Variants in NAALADL2 observed in about 807,000 individuals in gnomAD.
The protein encoded by NAALADL2 is N-acetylated alpha-linked acidic dipeptidase like 2.
Under a neutral mutation model 87.2 loss-of-function variants are expected in NAALADL2, and 76 were observed. The observed-to-expected ratio is 0.87, with a 90% CI of 0.72 to 1.05. The LOEUF (loss-of-function observed/expected upper bound fraction) is 1.05, where lower values mean the gene tolerates loss of function less well. Ranked by LOEUF, NAALADL2 falls within the 50% of genes least tolerant of loss-of-function variation. The pLI is 0.00. For missense variants in NAALADL2, 1,089 were observed against 945.8 expected (o/e 1.15, Z -1.99); for synonymous variants, 354 against 331.0 (o/e 1.07, Z -0.75).
chr3:174,712,137 G>A (rs1039399470), intron 2 of NAALADL2, among the ~76,000 whole-genome samples: 1 of 151,980 alleles, frequency 6.6e-6, no homozygotes, highest in Non-Finnish European at 1.5e-5. Flanking sequence ...TCTCACCCTT[G>A]TCCCCAAACA....
At chr3:175,236,344 G>A (rs1419454474) in intron 3 of NAALADL2, among the ~76,000 whole-genome samples, 1 of 151,836 alleles carries the variant, frequency 6.6e-6, no homozygotes, top group East Asian at 1.9e-4. Flanking sequence ...TTAGGAGTTC[G>A]AGACTAGCCT....
At chr3:174,478,153 T>C (rs1044223877) in intron 1 of NAALADL2, among the ~76,000 whole-genome samples, 5 of 151,672 alleles carry the variant, frequency 3.3e-5, no homozygotes, top group Non-Finnish European at 7.4e-5. Context: ...AAATACTGAC[T>C]GGTTGTGTTT....
chr3:175,346,429 G>C (rs73881474), intron 5 of NAALADL2, among the ~76,000 whole-genome samples: 2 of 151,948 alleles, frequency 1.3e-5, no homozygotes, highest in Non-Finnish European at 1.5e-5. Flanking sequence ...CTCAATGAGC[G>C]CACCAAAAAA....
At chr3:175,476,704 A>G (rs1725748089) in intron 9 of NAALADL2, among the ~76,000 whole-genome samples, 1 of 152,138 alleles carries the variant, frequency 6.6e-6, no homozygotes, top group African/African-American at 2.4e-5. Context: ...AAAATGCCAC[A>G]GCTTTGTCTG....
rs78862058 is a variant in NAALADL2 at position 174,695,030 on chromosome 3, G to C, written c.-114-42611G>C. On this transcript the variant is annotated intron_variant, in intron 2 of 3. Transcript: ENST00000434257. ...TGCTTGAATATAGTTATAATTTTAAGTACATAAGAATGTGATACAAAATAT... is the reference window on the plus strand; with the variant it reads ...TGCTTGAATATAGTTATAATTTTAACTACATAAGAATGTGATACAAAATAT... Among the ~76,000 whole-genome samples, 270 of 152,054 alleles carry C rather than the reference G, an allele frequency of 1.8e-3. 9 individuals are homozygous for C. The East Asian group carries it at 0.046, about 26-fold the overall frequency.
rs550921390 is a variant in NAALADL2, at chr3:174,648,465, A to G, written c.-114-89176A>G. On this transcript the variant is annotated intron_variant, in intron 2 of 3. Transcript: ENST00000434257. The stretch of plus-strand genomic sequence containing the variant: ...AGTTCTTAGAACATATCCTCTGCAG[A>G]TATGGGAGGGGGCTACTGTAAACAA... Among the ~76,000 whole-genome samples the G allele has an allele frequency of 2.4e-3, 371 of 152,288 alleles. 1 individual carries two copies. The highest frequency in any genetic ancestry group is 8.5e-3 in the African/African-American group (354 of 41,562).
chr3:175,228,765 A>G (rs528597450), intron 2 of NAALADL2, among the ~76,000 whole-genome samples: 1 of 152,106 alleles, frequency 6.6e-6, no homozygotes, highest in South Asian at 2.1e-4. Context: ...TCTAGAGAGT[A>G]GATCGAGAAG....
chr3:174,563,512 C>T (rs1483748721), intron 2 of NAALADL2, among the ~76,000 whole-genome samples: 1 of 150,858 alleles, frequency 6.6e-6, no homozygotes, highest in African/African-American at 2.4e-5. Flanking sequence ...TTCAGAGGCA[C>T]CTAGATAAAA....
intron 3 of NAALADL2, among the ~76,000 whole-genome samples, chr3:174,738,693 A>G (rs778189432): frequency 6.6e-6 from 1 of 152,028 alleles, no homozygotes; most frequent in African/African-American, 2.4e-5. Context: ...GGTTATTTCC[A>G]CTCGACACAT....
At chr3:175,404,892 C>A (rs1396404699) in intron 5 of NAALADL2, among the ~76,000 whole-genome samples, 2 of 152,164 alleles carry the variant, frequency 1.3e-5, no homozygotes, top group Non-Finnish European at 2.9e-5. Context: ...CAATTAATCA[C>A]TTGCAGTTGT....
intron 11 of NAALADL2, among the ~76,000 whole-genome samples, chr3:175,640,846 G>A (rs929082334): frequency 2.6e-5 from 4 of 152,020 alleles, no homozygotes; most frequent in Non-Finnish European, 5.9e-5. Flanking sequence ...CAGACAACCA[G>A]GAAAATTACA....
At chr3:174,691,664 C>T (rs908304030) in intron 2 of NAALADL2, among the ~76,000 whole-genome samples, 8 of 152,110 alleles carry the variant, frequency 5.3e-5, no homozygotes, top group Non-Finnish European at 8.8e-5. Context: ...CTGTAACATG[C>T]GATGCTGTTG....
chr3:175,314,067 C>A (rs1426522039), intron 4 of NAALADL2, among the ~76,000 whole-genome samples: 11 of 120,748 alleles, frequency 9.1e-5, no homozygotes, highest in African/African-American at 3.6e-4. Flanking sequence ...AGTGAGACTC[C>A]ATCTCAAAAA....
At chr3:175,138,470 A>T (rs988668445) in intron 2 of NAALADL2, among the ~76,000 whole-genome samples, 3 of 152,018 alleles carry the variant, frequency 2.0e-5, no homozygotes, top group African/African-American at 7.2e-5. Flanking sequence ...CAAGTAATAA[A>T]CTATTAATAT....
intron 2 of NAALADL2, among the ~76,000 whole-genome samples, chr3:174,557,305 A>G (rs1024576586): frequency 2.0e-5 from 3 of 152,220 alleles, no homozygotes; most frequent in Non-Finnish European, 2.9e-5. Context: ...TTAAACTACT[A>G]TGAATATTAT....
At chr3:174,727,291 A>G (rs1477796363) in intron 2 of NAALADL2, among the ~76,000 whole-genome samples, 2 of 151,504 alleles carry the variant, frequency 1.3e-5, no homozygotes, top group Non-Finnish European at 2.9e-5. Context: ...AAAAAAAAAA[A>G]TCATTTTTAT....
chr3:174,611,236 A>G (rs1159057261), intron 2 of NAALADL2, among the ~76,000 whole-genome samples: 1 of 152,066 alleles, frequency 6.6e-6, no homozygotes, highest in Non-Finnish European at 1.5e-5. Context: ...TAATGGGTGC[A>G]GCACACCAGT....
At position 175,119,585 on chromosome 3, in the gene NAALADL2, ATATAAT is replaced by A. The variant is rs548428205; in HGVS notation, c.545+22300_545+22305del. Among the ~76,000 whole-genome samples, 164 of 150,730 alleles carry A rather than the reference ATATAAT, an allele frequency of 1.1e-3. 1 individual carries two copies. Among genetic ancestry groups the A allele is most frequent in the African/African-American group, 3.4e-3 (138 of 41,192 alleles). On this transcript the variant is annotated intron_variant, in intron 2 of 13. Coordinates refer to ENST00000454872, the MANE Select transcript of NAALADL2 (RefSeq NM_207015.3). ...GAAAGGAGAAGAGGAAGAGAAAGAAATATAATTATAAGTCGAAGTCAGATTATGAAA... is the reference window on the plus strand; with the variant it reads ...GAAAGGAGAAGAGGAAGAGAAAGAAATATAAGTCGAAGTCAGATTATGAAA...
chr3:174,918,333 T>C (rs1476830668), intron 1 of NAALADL2, among the ~76,000 whole-genome samples: 1 of 152,168 alleles, frequency 6.6e-6, no homozygotes, highest in East Asian at 1.9e-4. Context: ...TTAGCCCCTC[T>C]GCTTACTCTT....
Sources: gnomAD v4.1 joint callset for allele counts (sites outside exome capture counted in the v4.1 genomes callset) on GRCh38, gnomAD v4.1.1 for gene constraint, MANE v1.5 for transcripts, NCBI Gene and HGNC (gene_info 2026-07-23, HGNC 2026-07-21) for gene names.